The following IBA57 variants were observed in gnomAD, a reference collection of about 807,000 sequenced individuals.
The protein encoded by IBA57 is iron-sulfur cluster assembly factor IBA57, mitochondrial.
In IBA57, 20 loss-of-function variants were observed where a neutral mutation model predicts 20.4. That is an observed-to-expected ratio of 0.98 (90% CI 0.69 to 1.42). The LOEUF (loss-of-function observed/expected upper bound fraction) is 1.42, where lower values mean the gene tolerates loss of function less well. Among genes scored for constraint, IBA57 ranks in the 40% most tolerant of loss-of-function variants. IBA57 has a pLI of 0.00. For synonymous variants in IBA57, 310 were observed against 233.9 expected (o/e 1.33, Z -2.97); for missense variants, 608 against 499.3 (o/e 1.22, Z -2.07).
chr1:228,165,870 C>T lies in IBA57; in HGVS notation c.54C>T (p.Val18=). The change falls in exon 1 of 3, where the codon GTC becomes GTT. Residue 18 remains valine, a synonymous_variant. Coordinates refer to ENST00000366711, the MANE Select transcript of IBA57 (RefSeq NM_001010867.4). ...CCACTCCGGGGCGCGGCGGCCCGGT[C>T]TGGCGCTGGCGGCTGCGCGCGGCCC... The part of the protein sequence containing the change: ...RGATPGRGGP[V]WRWRLRAAPR... 7.5e-7 allele frequency: 1 copy of T among 1,325,666 alleles called. No homozygotes were observed. Among genetic ancestry groups the T allele is most frequent in the Admixed American group, 4.1e-5 (1 of 24,598 alleles). 82.1% of individuals were successfully genotyped at this position (1,325,666 alleles called of 1,614,324 possible).
Position 228,166,100 on chromosome 1 carries a change from G to GT in IBA57, c.284_285insT (p.Tyr96LeufsTer14), listed in dbSNP as rs1553263680. The GT allele has an allele frequency of 1.3e-6, 2 of 1,535,900 alleles. No homozygotes were observed. Among genetic ancestry groups the GT allele is most frequent in the Non-Finnish European group, 1.7e-6 (2 of 1,143,642 alleles). On this transcript the variant is annotated frameshift_variant, in exon 1 of 3. Coordinates refer to ENST00000366711, the MANE Select transcript of IBA57 (RefSeq NM_001010867.4). LOFTEE classifies it high-confidence loss of function. ...GGGGCCCCGCCTGCTGCGCGCGCGG[G>GT]CTACGCCCACTTCCTGAACGTGCAG...
At chr1:228,175,060 T>A in intron 2 of IBA57, 31 bp downstream of exon 2, 1 of 1,570,900 alleles carries the variant, frequency 6.4e-7, no homozygotes. Context: ...CTGGGCTGGA[T>A]TGCACGGGTG....
In IBA57 at chr1:228,175,580, G is replaced by A. The variant is rs972812064; in HGVS notation, c.*67G>A. On this transcript the variant is annotated 3_prime_UTR_variant, in exon 3 of 3. Coordinates refer to ENST00000366711, the MANE Select transcript of IBA57 (RefSeq NM_001010867.4). Reference sequence around the variant, plus strand: ...CCTGGGGCCTTTGGCCTCTGTCCAGGGTCTTCCCGTCCCATCTGTCTGCTG... The same window carrying A: ...CCTGGGGCCTTTGGCCTCTGTCCAGAGTCTTCCCGTCCCATCTGTCTGCTG... 6.7e-7 allele frequency: 1 copy of A among 1,497,002 alleles called. No individual in the cohort carries two copies. The highest frequency in any genetic ancestry group is 2.3e-5 in the Admixed American group (1 of 43,652). The allele number at this position is 1,497,002 out of a possible 1,614,324, so 92.7% of individuals were successfully genotyped here.
Position 228,176,570 on chromosome 1 carries a change from A to C in IBA57, c.*1057A>C, listed in dbSNP as rs2035024877. The stretch of plus-strand genomic sequence containing the variant: ...GCCCAGGCTGGGCACGTGGGTGCCG[A>C]GTCTGCAAAGGACAGCCCCATGGCT... On this transcript the variant is annotated 3_prime_UTR_variant, in exon 3 of 3. Transcript: ENST00000366711. The C allele has an allele frequency of 6.6e-6, 1 of 152,402 alleles. No individual in the cohort carries two copies. Among genetic ancestry groups the C allele is most frequent in the African/African-American group, 2.4e-5 (1 of 41,458 alleles). The allele number at this position is 152,402 out of a possible 1,614,324, so 9.4% of individuals were successfully genotyped here.
At chr1:228,174,211 G>A (rs1464528357) in intron 1 of IBA57, among the ~76,000 whole-genome samples, 1 of 12,890 alleles carries the variant, frequency 7.8e-5, no homozygotes, top group Non-Finnish European at 1.8e-4. Context: ...GTGGCTCGCT[G>A]TGGGCGTGGC....
rs1370041758 is a variant in IBA57 at position 228,175,349 on chromosome 1, TCAGGA to T, written c.911_915del (p.Gly304AspfsTer32). 1 of 1,612,912 alleles carries T rather than the reference TCAGGA, an allele frequency of 6.2e-7. No homozygotes were observed. Among genetic ancestry groups the T allele is most frequent in the African/African-American group, 1.3e-5 (1 of 75,004 alleles). On this transcript the variant is annotated frameshift_variant, in exon 3 of 3. Transcript: ENST00000366711. LOFTEE classifies it low-confidence loss of function (END_TRUNC). Reference sequence around the variant, plus strand: ...CCCTGGTGCCACGGTGCTGACTGCCTCAGGACAGACTGTGGGCAAGTTCAGGGCTG... The same window carrying T: ...CCCTGGTGCCACGGTGCTGACTGCCTCAGACTGTGGGCAAGTTCAGGGCTG...
At position 228,180,458 on chromosome 1, in the gene IBA57, T is replaced by C. The variant is rs1351382695; in HGVS notation, c.*4945T>C. ...GAGAGAGGTGCCCAAACCTACAGTGTTCTAAAGTCCCCCTACTGGTCGGAA... is the reference window on the plus strand; with the variant it reads ...GAGAGAGGTGCCCAAACCTACAGTGCTCTAAAGTCCCCCTACTGGTCGGAA... On this transcript the variant is annotated 3_prime_UTR_variant, in exon 3 of 3. Transcript: ENST00000366711. 6.6e-6 allele frequency: 1 copy of C among 152,164 alleles called. No homozygotes were observed. Among genetic ancestry groups the C allele is most frequent in the Non-Finnish European group, 1.5e-5 (1 of 68,036 alleles). 9.4% of individuals were successfully genotyped at this position (152,164 alleles called of 1,614,324 possible).
intron 1 of IBA57, among the ~76,000 whole-genome samples, chr1:228,168,190 T>C (rs2034878145): frequency 6.6e-6 from 1 of 152,232 alleles, no homozygotes; most frequent in South Asian, 2.1e-4. Context: ...AGGATGAAGA[T>C]GTTTATGTTG....
rs747642779 is a variant in IBA57, at chr1:228,174,974, G to A, written c.624G>A (p.Val208=). The change falls in exon 2 of 3, where the codon GTG becomes GTA. Residue 208 remains valine, a synonymous_variant. Coordinates refer to ENST00000366711, the MANE Select transcript of IBA57 (RefSeq NM_001010867.4). ...LLTQDEGPAL[V]PGGRLGDLWD... is the part of the protein sequence containing the mutation. ...CCCAGGATGAAGGCCCAGCCCTGGT[G>A]CCCGGGGGCCGGCTCGGGGACTTGT... The A allele has an allele frequency of 6.4e-7, 1 of 1,557,562 alleles. No homozygotes were observed. Among genetic ancestry groups the A allele is most frequent in the East Asian group, 2.3e-5 (1 of 44,242 alleles).
Position 228,175,403 on chromosome 1 carries a change from C to G in IBA57, c.961C>G (p.Leu321Val), listed in dbSNP as rs376206530. The change falls in exon 3 of 3, where the codon CTG (leucine) becomes GTG (valine). Residue 321 changes from leucine to valine, a missense_variant. Transcript: ENST00000366711. ...TGGCCAGGGCAACGTGGGGCTGGCC[C>G]TGCTGTGGTCAGAGAAGATCAAGGG... Reference protein sequence around the residue: ...RAGQGNVGLALLWSEKIKGPL... With the variant: ...RAGQGNVGLAVLWSEKIKGPL... The G allele has an allele frequency of 1.9e-6, 3 of 1,612,846 alleles. No homozygotes were observed. In the African/African-American group the frequency reaches 4.0e-5, roughly 22 times the overall value.
At chr1:228,166,560 G>C (rs2034856790) in intron 1 of IBA57, among the ~76,000 whole-genome samples, 2 of 152,070 alleles carry the variant, frequency 1.3e-5, no homozygotes, top group South Asian at 4.1e-4. Flanking sequence ...TCCCTCCGCA[G>C]GGACAAGGGG....
In IBA57 at chr1:228,166,161, A is replaced by G. The variant is rs536036624; in HGVS notation, c.341+4A>G. 1.3e-5 allele frequency: 19 copies of G among 1,475,518 alleles called. No homozygotes were observed. The East Asian group carries it at 4.6e-4, about 36-fold the overall frequency. 91.4% of individuals were successfully genotyped at this position (1,475,518 alleles called of 1,614,324 possible). On this transcript the variant is annotated splice_donor_region_variant and intron_variant, in intron 1 of 2. Coordinates refer to ENST00000366711, the MANE Select transcript of IBA57 (RefSeq NM_001010867.4). Reference sequence around the variant, plus strand: ...TCTATGACGTCATCTTGTACGGGTGAGCGCGTGCTGGGAGGGCGCTCGGGG... The same window carrying G: ...TCTATGACGTCATCTTGTACGGGTGGGCGCGTGCTGGGAGGGCGCTCGGGG...
rs1289950846 is a variant in IBA57, at chr1:228,166,013, C to T, written c.197C>T (p.Ala66Val). 7.8e-6 allele frequency: 12 copies of T among 1,532,102 alleles called. No homozygotes were observed. The highest frequency in any genetic ancestry group is 1.0e-5 in the Non-Finnish European group (12 of 1,146,436). The allele number at this position is 1,532,102 out of a possible 1,614,324, so 94.9% of individuals were successfully genotyped here. Residue 66 changes from alanine (A) to valine (V), a missense_variant, in exon 1 of 3, where the codon GCG becomes GTG. Ala to Val is a moderately conservative substitution (Grantham distance 64, BLOSUM62 0). Transcript: ENST00000366711. The part of the protein sequence containing the change: ...RTLLRVRGPD[A>V]APFLLGLLTN... Reference sequence around the variant, plus strand: ...CTGCTGCGCGTGCGTGGCCCCGACGCGGCGCCCTTCCTGCTAGGGCTGCTG... The same window carrying T: ...CTGCTGCGCGTGCGTGGCCCCGACGTGGCGCCCTTCCTGCTAGGGCTGCTG...
rs546990046 is a variant in IBA57 at position 228,179,249 on chromosome 1, G to A, written c.*3736G>A. On this transcript the variant is annotated 3_prime_UTR_variant, in exon 3 of 3. Transcript: ENST00000366711. ...AGTAAGCAGACACATCACATGGAAT[G>A]AGGATGTTTAATATATTTAAAGAAA... is the stretch of plus-strand genomic sequence containing the variant. 4.6e-5 allele frequency: 7 copies of A among 152,236 alleles called. No homozygotes were observed. The highest frequency in any genetic ancestry group is 1.3e-4 in the Admixed American group (2 of 15,288). The allele number at this position is 152,236 out of a possible 1,614,324, so 9.4% of individuals were successfully genotyped here. A position where few individuals can be genotyped will look rare whatever the true frequency, so the allele number is the denominator to read the frequency against.
intron 1 of IBA57, chr1:228,174,463 C>A (rs1434567566): frequency 7.9e-6 from 2 of 253,972 alleles, no homozygotes; most frequent in African/African-American, 6.8e-5. Context: ...GGGCGTGGCT[C>A]GCTGTGGGCG....
intron 2 of IBA57, 26 bp from the exon 3 acceptor site, chr1:228,175,096 T>C: frequency 6.3e-7 from 1 of 1,599,898 alleles, no homozygotes; most frequent in Non-Finnish European, 8.5e-7. Context: ...CAATTCTCGC[T>C]GGTTTCCCCC....
chr1:228,166,516 G>A (rs1044281403), intron 1 of IBA57, among the ~76,000 whole-genome samples: 15 of 152,258 alleles, frequency 9.9e-5, no homozygotes, highest in African/African-American at 3.6e-4. Context: ...TCTCTAGGTG[G>A]GCACCTCCCA....
At chr1:228,167,210 C>T (rs2034865306) in intron 1 of IBA57, among the ~76,000 whole-genome samples, 1 of 152,190 alleles carries the variant, frequency 6.6e-6, no homozygotes, top group African/African-American at 2.4e-5. Context: ...TTCCATATCA[C>T]ATCTCTGGGC....
rs765908892 is a variant in IBA57, at chr1:228,175,356, A to G, written c.914A>G (p.Gln305Arg). ...GCCACGGTGCTGACTGCCTCAGGAC[A>G]GACTGTGGGCAAGTTCAGGGCTGGC... Reference protein sequence around the residue: ...PGATVLTASGQTVGKFRAGQG... With the variant: ...PGATVLTASGRTVGKFRAGQG... Residue 305 changes from glutamine to arginine, a missense_variant, in exon 3 of 3, where the codon CAG (glutamine) becomes CGG (arginine). By Grantham distance (43) the Gln-to-Arg change is conservative (BLOSUM62 1). Coordinates refer to ENST00000366711, the MANE Select transcript of IBA57 (RefSeq NM_001010867.4). The G allele has an allele frequency of 6.2e-7, 1 of 1,612,976 alleles. No homozygotes were observed. Among genetic ancestry groups the G allele is most frequent in the Non-Finnish European group, 8.5e-7 (1 of 1,179,978 alleles).
Sources: allele counts gnomAD v4.1 joint callset (sites outside exome capture counted in the v4.1 genomes callset), GRCh38; gene constraint gnomAD v4.1.1; transcripts MANE v1.5; gene names NCBI Gene and HGNC (gene_info 2026-07-23, HGNC 2026-07-21).